Variants in NCKAP5 observed in about 807,000 individuals in gnomAD.
NCKAP5 encodes the protein NCK associated protein 5.
In NCKAP5, 92 loss-of-function variants were observed where a neutral mutation model predicts 167.0. The observed-to-expected ratio is 0.55, with a 90% CI of 0.47 to 0.66. The LOEUF is 0.66. NCKAP5 is among the 30% of genes least tolerant of loss of function. The pLI, the probability that NCKAP5 is intolerant of heterozygous loss-of-function variation, is 0.00. For synonymous variants in NCKAP5, 891 were observed against 877.4 expected, an observed-to-expected ratio of 1.02 and a Z score of -0.27; for missense variants, 2,378 against 2,315.0, an observed-to-expected ratio of 1.03 and a Z score of -0.56.
intron 5 of NCKAP5, among the ~76,000 whole-genome samples, chr2:133,158,667 T>C (rs2083670212): frequency 6.6e-6 from 1 of 152,194 alleles, no homozygotes; most frequent in Non-Finnish European, 1.5e-5. Flanking sequence ...CTCCACTACT[T>C]GCCAGTCTAG....
rs186158375 is a variant in NCKAP5 at position 133,358,332 on chromosome 2, A to C, written c.70-55222T>G. Among the ~76,000 whole-genome samples, 9 of 152,206 alleles carry C rather than the reference A, an allele frequency of 5.9e-5. No homozygotes were observed. The East Asian group carries it at 1.7e-3, about 29-fold the overall frequency. On this transcript the variant is annotated intron_variant, in intron 3 of 19. Transcript: ENST00000409261. Reference sequence around the variant, plus strand: ...GGCTCACACCCGTAATCTCAGTGGGAGTTTGGGAGGCCAAGGCAAGACAAT... The same window carrying C: ...GGCTCACACCCGTAATCTCAGTGGGCGTTTGGGAGGCCAAGGCAAGACAAT...
At chr2:133,108,638 G>A (rs556259144) in intron 6 of NCKAP5, among the ~76,000 whole-genome samples, 1 of 152,282 alleles carries the variant, frequency 6.6e-6, no homozygotes, top group East Asian at 1.9e-4. Flanking sequence ...TGGCTCTCCA[G>A]AACGTATTCA....
intron 4 of NCKAP5, among the ~76,000 whole-genome samples, chr2:133,218,632 T>C (rs2086531472): frequency 6.6e-6 from 1 of 152,182 alleles, no homozygotes; most frequent in African/African-American, 2.4e-5. Flanking sequence ...TCTTAATTGT[T>C]GAAGCTTCAG....
chr2:133,470,277 G>A (rs1018334442), intron 3 of NCKAP5, among the ~76,000 whole-genome samples: 2 of 151,856 alleles, frequency 1.3e-5, no homozygotes, highest in African/African-American at 4.8e-5. Flanking sequence ...GCCGTGTGAG[G>A]TGTCAGTGTG....
At chr2:133,139,532 A>G (rs989727931) in intron 5 of NCKAP5, among the ~76,000 whole-genome samples, 2 of 152,216 alleles carry the variant, frequency 1.3e-5, no homozygotes, top group African/African-American at 4.8e-5. Context: ...ACAATTAGGA[A>G]GAGGAGTGAT....
intron 6 of NCKAP5, among the ~76,000 whole-genome samples, chr2:133,052,497 C>T (rs1327029062): frequency 1.3e-5 from 2 of 152,118 alleles, no homozygotes; most frequent in Admixed American, 6.5e-5. Context: ...GCAGGCAGAT[C>T]ACCTGAGGTC....
At chr2:132,900,231 G>C (rs1218191734) in intron 8 of NCKAP5, among the ~76,000 whole-genome samples, 1 of 152,192 alleles carries the variant, frequency 6.6e-6, no homozygotes, top group African/African-American at 2.4e-5. Context: ...TTATAAAAAT[G>C]TGAAAAGGAG....
chr2:133,363,156 G>A (rs1478240342), intron 3 of NCKAP5, among the ~76,000 whole-genome samples: 1 of 152,152 alleles, frequency 6.6e-6, no homozygotes, highest in Non-Finnish European at 1.5e-5. Flanking sequence ...GAGGTACAAG[G>A]TGGTTGTTCT....
chr2:132,835,203 G>T (rs1687804554), intron 11 of NCKAP5, among the ~76,000 whole-genome samples: 1 of 152,100 alleles, frequency 6.6e-6, no homozygotes, highest in Non-Finnish European at 1.5e-5. Context: ...TGTGCTGTTG[G>T]ATTCTGTTTG....
chr2:133,647,212 C>CTGTA, the NCKAP5 span, among the ~76,000 whole-genome samples: 2 of 151,830 alleles, frequency 1.3e-5, no homozygotes, highest in Non-Finnish European at 2.9e-5. Context: ...TTGTGCATAT[C>CTGTA]TGCAGTCCCA....
intron 16 of NCKAP5, among the ~76,000 whole-genome samples, chr2:132,757,360 T>C (rs1019841): frequency 0.77 from 117,869 of 152,188 alleles, 46,567 homozygotes; most frequent in African/African-American, 0.94. Context: ...GCAGTAAGCC[T>C]TGGTTGCATG....
chr2:133,623,782 CCACT>C, the NCKAP5 span, among the ~76,000 whole-genome samples: 1 of 152,076 alleles, frequency 6.6e-6, no homozygotes, highest in Non-Finnish European at 1.5e-5. Flanking sequence ...TCCAGTAATC[CCACT>C]ACTAGGTATC....
rs921228502 is a variant in NCKAP5, at chr2:132,673,106, C to G, written c.*183G>C. The G allele has an allele frequency of 1.1e-5, 14 of 1,289,600 alleles. No individual in the cohort carries two copies. The African/African-American group carries it at 2.0e-4, about 18-fold the overall frequency. 79.9% of individuals were successfully genotyped at this position (1,289,600 alleles called of 1,614,324 possible). A position where few individuals can be genotyped will look rare whatever the true frequency, so the allele number is the denominator to read the frequency against. On this transcript the variant is annotated 3_prime_UTR_variant, in exon 20 of 20. Coordinates refer to ENST00000409261, the MANE Select transcript of NCKAP5 (RefSeq NM_207363.3). ...ACTCAAAGATTCCAAGTTGTCTACC[C>G]CAGGCCTATCTGAACTACTCAAAGA...
intron 6 of NCKAP5, among the ~76,000 whole-genome samples, chr2:133,116,187 C>T (rs893839496): frequency 2.4e-4 from 36 of 148,130 alleles, no homozygotes; most frequent in Admixed American, 2.0e-3. Context: ...GTAACTTACG[C>T]AAAATAAGAA....
intron 3 of NCKAP5, among the ~76,000 whole-genome samples, chr2:133,465,611 T>A (rs1692522078): frequency 6.6e-6 from 1 of 152,148 alleles, no homozygotes; most frequent in Non-Finnish European, 1.5e-5. Flanking sequence ...TTGAACTAGT[T>A]TACAGTCCCA....
At chr2:133,473,090 T>A (rs1055087275) in intron 3 of NCKAP5, among the ~76,000 whole-genome samples, 1 of 152,234 alleles carries the variant, frequency 6.6e-6, no homozygotes, top group Non-Finnish European at 1.5e-5. Flanking sequence ...TCCAAGCACT[T>A]TGGGAGGCCA....
intron 4 of NCKAP5, among the ~76,000 whole-genome samples, chr2:133,289,432 A>T (rs1679401702): frequency 6.6e-6 from 1 of 151,946 alleles, no homozygotes; most frequent in Non-Finnish European, 1.5e-5. Flanking sequence ...TTAGTCTGTT[A>T]TCATATTGCC....
intron 6 of NCKAP5, among the ~76,000 whole-genome samples, chr2:133,128,731 G>A (rs1370558895): frequency 6.6e-6 from 1 of 152,002 alleles, no homozygotes; most frequent in African/African-American, 2.4e-5. Flanking sequence ...CCGAGTAGCT[G>A]GGAATACAGG....
At chr2:132,772,028 T>A (rs1682120419) in intron 16 of NCKAP5, among the ~76,000 whole-genome samples, 1 of 151,942 alleles carries the variant, frequency 6.6e-6, no homozygotes, top group African/African-American at 2.4e-5. Context: ...TTTTCTATGT[T>A]TAGCTCTGGG....
Sources: allele counts gnomAD v4.1 joint callset (sites outside exome capture counted in the v4.1 genomes callset), GRCh38; gene constraint gnomAD v4.1.1; transcripts MANE v1.5; gene names NCBI Gene and HGNC (gene_info 2026-07-23, HGNC 2026-07-21).